Variants in ACSBG2 observed in about 807,000 individuals in gnomAD.
The protein encoded by ACSBG2 is long-chain-fatty-acid--CoA ligase ACSBG2.
In ACSBG2, 62 loss-of-function variants were observed where a neutral mutation model predicts 74.7. That is an observed-to-expected ratio of 0.83 (90% CI 0.68 to 1.03). The LOEUF is 1.03. ACSBG2 is among the 50% of genes least tolerant of loss of function. The pLI, the probability that ACSBG2 is intolerant of heterozygous loss-of-function variation, is 0.00. For synonymous variants in ACSBG2, 309 were observed against 294.1 expected (o/e 1.05, Z -0.52); for missense variants, 730 against 817.6 (o/e 0.89, Z 1.31).
rs777037110 is a variant in ACSBG2 at position 6,185,695 on chromosome 19, C to A, written c.1540+42C>A. The A allele has an allele frequency of 1.3e-5, 21 of 1,604,994 alleles. No homozygotes were observed. In the South Asian group the frequency reaches 2.3e-4, roughly 18 times the overall value. ...TCTTTGGGAATCTCCTGCAAGCAGG[C>A]CCACCCTGAACATTTAAGGGCCCAG... On this transcript the variant is annotated intron_variant, in intron 11 of 14. Coordinates refer to ENST00000588485, the MANE Select transcript of ACSBG2 (RefSeq NM_030924.5).
chr19:6,187,375 TTAG>T lies in ACSBG2; in HGVS notation c.1637_1639del (p.Val546del). 1 of 1,613,950 alleles carries T rather than the reference TTAG, an allele frequency of 6.2e-7. No homozygotes were observed. Among genetic ancestry groups the T allele is most frequent in the Non-Finnish European group, 8.5e-7 (1 of 1,179,990 alleles). ...GATCCCCATCATCAGTAACGCCATG[TTAG>T]TAGGAGATAAACTGAAGTTTCTGAG... On this transcript the variant is annotated inframe_deletion, in exon 12 of 15. Coordinates refer to ENST00000588485, the MANE Select transcript of ACSBG2 (RefSeq NM_030924.5).
chr19:6,172,471 G>A (rs1163613967), intron 7 of ACSBG2, among the ~76,000 whole-genome samples: 3 of 151,270 alleles, frequency 2.0e-5, no homozygotes, highest in Non-Finnish European at 2.9e-5. Context: ...TGGGTTCCAC[G>A]GTTGTGGACA....
rs371212782 is a variant in ACSBG2 at position 6,185,616 on chromosome 19, C to T, written c.1503C>T (p.Asp501=). 1.7e-5 allele frequency: 27 copies of T among 1,614,030 alleles called. No individual in the cohort carries two copies. Among genetic ancestry groups the T allele is most frequent in the Middle Eastern group, 1.6e-4 (1 of 6,074 alleles). Residue 501 remains aspartate, a synonymous_variant, in exon 11 of 15, where the codon GAC becomes GAT. Coordinates refer to ENST00000588485, the MANE Select transcript of ACSBG2 (RefSeq NM_030924.5). ...WLHSGDLGQL[D]GLGFLYVTGH... is the part of the protein sequence containing the mutation. The stretch of plus-strand genomic sequence containing the variant: ...ACTCTGGGGATCTGGGCCAGCTGGA[C>T]GGTCTGGGTTTCCTCTATGTCACCG...
Position 6,166,085 on chromosome 19 carries a change from G to T in ACSBG2, c.738+70G>T, listed in dbSNP as rs188354800. The stretch of plus-strand genomic sequence containing the variant: ...TTTCTCTTGTTGGCTTCCAGGGGCA[G>T]GGTGGCATTCCAGGGTCTAGTACGC... On this transcript the variant is annotated intron_variant, in intron 7 of 14. Transcript: ENST00000588485. The T allele has an allele frequency of 9.8e-5, 156 of 1,594,510 alleles. No homozygotes were observed. In the African/African-American group the frequency reaches 1.9e-3, roughly 20 times the overall value.
rs773776513 is a variant in ACSBG2 at position 6,185,514 on chromosome 19, G to A, written c.1401G>A (p.Trp467Ter). The A allele has an allele frequency of 6.2e-7, 1 of 1,614,138 alleles. No homozygotes were observed. The highest frequency in any genetic ancestry group is 1.7e-5 in the Admixed American group (1 of 60,014). ...NKDGIGEICL[W>*]GRHIFMGYLE... ...ATGGCATTGGGGAGATCTGCCTCTG[G>A]GGTAGGCACATCTTCATGGGCTATC... The change falls in exon 11 of 15, where the codon TGG (tryptophan) becomes TGA (stop). Residue 467 changes from tryptophan to a stop codon, truncating the protein, a stop_gained. Coordinates refer to ENST00000588485, the MANE Select transcript of ACSBG2 (RefSeq NM_030924.5). LOFTEE classifies it high-confidence loss of function.
chr19:6,158,749 T>C (rs1299637026), intron 5 of ACSBG2, among the ~76,000 whole-genome samples: 1 of 152,110 alleles, frequency 6.6e-6, no homozygotes, highest in African/African-American at 2.4e-5. Context: ...GCCATATGTT[T>C]TCTCACATTT....
intron 7 of ACSBG2, among the ~76,000 whole-genome samples, chr19:6,167,778 A>G (rs1184392490): frequency 1.3e-5 from 2 of 152,220 alleles, no homozygotes. Flanking sequence ...AACAACAAGG[A>G]AAGCAGGCTT....
chr19:6,137,214 G>A (rs966399816), intron 1 of ACSBG2: 3 of 144,058 alleles, frequency 2.1e-5, no homozygotes, highest in Non-Finnish European at 3.1e-5. Context: ...GGGGTTGGGG[G>A]GGGGGGGGGG....
At chr19:6,157,191 G>A (rs1201159840) in intron 5 of ACSBG2, among the ~76,000 whole-genome samples, 6 of 152,136 alleles carry the variant, frequency 3.9e-5, no homozygotes, top group Non-Finnish European at 8.8e-5. Context: ...CTCGTGATCC[G>A]CCCGCCTTGG....
chr19:6,156,841 T>C (rs1191771590), intron 5 of ACSBG2, among the ~76,000 whole-genome samples: 1 of 151,404 alleles, frequency 6.6e-6, no homozygotes, highest in Admixed American at 6.6e-5. Context: ...TGGAGTGCAA[T>C]GTCGTGATTG....
At position 6,147,583 on chromosome 19, in the gene ACSBG2, GCCCTCGCAT is replaced by G; in HGVS notation, c.208_216del (p.Leu70_Ser72del). On this transcript the variant is annotated inframe_deletion, in exon 3 of 15. Transcript: ENST00000588485. ...AGTCAACCGATTTGGAACTTATCCA[GCCCTCGCAT>G]CCAAGAATGGCAAAAAGTGGGAAAT... 6.2e-7 allele frequency: 1 copy of G among 1,614,170 alleles called. No homozygotes were observed.
intron 6 of ACSBG2, among the ~76,000 whole-genome samples, chr19:6,162,584 A>AAAG (rs1252935005): frequency 6.6e-6 from 1 of 151,572 alleles, no homozygotes; most frequent in African/African-American, 2.4e-5. Context: ...AAAAAAAAAA[A>AAAG]AAAATTACAA....
intron 13 of ACSBG2, among the ~76,000 whole-genome samples, chr19:6,189,467 C>G (rs1418622151): frequency 6.6e-6 from 1 of 151,998 alleles, no homozygotes; most frequent in Non-Finnish European, 1.5e-5. Context: ...TGGCAATGAA[C>G]AACCTGGGTT....
intron 11 of ACSBG2, among the ~76,000 whole-genome samples, chr19:6,186,479 T>C (rs370113500): frequency 6.6e-6 from 1 of 152,230 alleles, no homozygotes; most frequent in African/African-American, 2.4e-5. Flanking sequence ...TGGGCCATAG[T>C]TTGCCAAAAT....
chr19:6,140,796 C>CT (rs146530235), intron 1 of ACSBG2, among the ~76,000 whole-genome samples: 5,493 of 152,212 alleles, frequency 0.036, 203 homozygotes, highest in African/African-American at 0.1. Flanking sequence ...ATATTGTCAG[C>CT]TTTTTTGATC....
chr19:6,181,813 GCC>G (rs60054737), intron 8 of ACSBG2, among the ~76,000 whole-genome samples: 58 of 54,418 alleles, frequency 1.1e-3, no homozygotes, highest in African/African-American at 2.6e-3. Flanking sequence ...GTCCCCACCC[GCC>G]CCCCCCCCCA....
intron 7 of ACSBG2, among the ~76,000 whole-genome samples, chr19:6,166,408 CG>C (rs2089811587): frequency 6.6e-6 from 1 of 150,678 alleles, no homozygotes; most frequent in South Asian, 2.1e-4. Context: ...CCTCTGCCTC[CG>C]TTCAAGTGAT....
At chr19:6,150,225 G>C (rs1213305309) in intron 3 of ACSBG2, among the ~76,000 whole-genome samples, 1 of 151,804 alleles carries the variant, frequency 6.6e-6, no homozygotes, top group Non-Finnish European at 1.5e-5. Flanking sequence ...TGCAGTGCTG[G>C]TGGAAATGTA....
intron 7 of ACSBG2, among the ~76,000 whole-genome samples, chr19:6,173,611 G>A (rs531962067): frequency 6.6e-5 from 10 of 152,174 alleles, no homozygotes; most frequent in South Asian, 6.2e-4. Flanking sequence ...CCTTTCCTAC[G>A]CCGCAGCTTC....
Sources: allele counts gnomAD v4.1 joint callset (sites outside exome capture counted in the v4.1 genomes callset), GRCh38; gene constraint gnomAD v4.1.1; transcripts MANE v1.5; gene names NCBI Gene and HGNC (gene_info 2026-07-23, HGNC 2026-07-21).